FAM185A: variants seen among roughly 807,000 people sequenced by gnomAD.
FAM185A encodes family with sequence similarity 185 member A.
A neutral mutation model predicts 45.7 loss-of-function variants in FAM185A; 21 were observed. The ratio of observed to expected loss-of-function variants is 0.46; its 90% CI spans 0.33 to 0.66. FAM185A has a LOEUF of 0.66. Among genes scored for constraint, FAM185A ranks in the 30% least tolerant of loss-of-function variants. The pLI is 0.03. For missense variants in FAM185A, 305 were observed against 485.4 expected, an observed-to-expected ratio of 0.63 and a Z score of 3.49; for synonymous variants, 117 against 194.0, an observed-to-expected ratio of 0.60 and a Z score of 3.30.
At chr7:102,797,038 T>G (rs540423562) in intron 7 of FAM185A, among the ~76,000 whole-genome samples, 1 of 152,378 alleles carries the variant, frequency 6.6e-6, no homozygotes, top group African/African-American at 2.4e-5. Flanking sequence ...TTATTATTAT[T>G]GCAAGTATTT....
At chr7:102,827,733 G>A in the FAM185A span, among the ~76,000 whole-genome samples, 1 of 151,902 alleles carries the variant, frequency 6.6e-6, no homozygotes, top group African/African-American at 2.4e-5. Context: ...GTGTCCATGT[G>A]TTCTCATTGT....
chr7:102,759,340 G>A (rs1371046175), intron 3 of FAM185A, among the ~76,000 whole-genome samples: 1 of 151,818 alleles, frequency 6.6e-6, no homozygotes, highest in East Asian at 1.9e-4. Flanking sequence ...AATGTTTATG[G>A]TTTATTGAAT....
the FAM185A span, among the ~76,000 whole-genome samples, chr7:102,825,462 C>T: frequency 6.6e-6 from 1 of 152,222 alleles, no homozygotes; most frequent in South Asian, 2.1e-4. Flanking sequence ...CCACCAAATG[C>T]TCCACCTTGA....
the FAM185A span, chr7:102,832,701 G>T: frequency 2.4e-5 from 25 of 1,039,414 alleles, 1 homozygote; most frequent in Middle Eastern, 7.7e-4. Context: ...TCCAATTTGA[G>T]GATAGAAGAA....
chr7:102,769,082 T>C (rs1794585735), intron 4 of FAM185A, among the ~76,000 whole-genome samples: 1 of 152,186 alleles, frequency 6.6e-6, no homozygotes, highest in Non-Finnish European at 1.5e-5. Context: ...GTAGAGATTT[T>C]CTAAATATTT....
the FAM185A span, chr7:102,822,260 A>G: frequency 1.9e-6 from 3 of 1,539,046 alleles, no homozygotes; most frequent in African/African-American, 4.1e-5. Context: ...AGGGAAGAAC[A>G]GTGCCTTAGT....
chr7:102,849,299 G>A, the FAM185A span, among the ~76,000 whole-genome samples: 9 of 152,298 alleles, frequency 5.9e-5, no homozygotes, highest in Non-Finnish European at 7.3e-5. Flanking sequence ...AAGAACTAAC[G>A]TTGGAGAAAG....
At chr7:102,794,770 C>T (rs1392194101) in intron 7 of FAM185A, among the ~76,000 whole-genome samples, 4 of 152,204 alleles carry the variant, frequency 2.6e-5, no homozygotes, top group Non-Finnish European at 5.9e-5. Flanking sequence ...AATATCCTTC[C>T]ATGACTGAAT....
chr7:102,839,405 G>C, the FAM185A span, among the ~76,000 whole-genome samples: 5 of 152,202 alleles, frequency 3.3e-5, no homozygotes, highest in Non-Finnish European at 7.3e-5. Context: ...TGGGCCCACT[G>C]TTCTTTCTCT....
At chr7:102,792,518 T>C (rs1796196591) in intron 7 of FAM185A, among the ~76,000 whole-genome samples, 1 of 89,960 alleles carries the variant, frequency 1.1e-5, no homozygotes, top group Admixed American at 1.4e-4. Context: ...AACTTAGATA[T>C]GAAACTTGAC....
intron 7 of FAM185A, among the ~76,000 whole-genome samples, chr7:102,799,668 C>T (rs937395859): frequency 1.3e-5 from 2 of 152,172 alleles, no homozygotes; most frequent in Non-Finnish European, 2.9e-5. Flanking sequence ...GAGGTCCACT[C>T]GCCCAGCGTA....
chr7:102,822,222 T>C, the FAM185A span: 1 of 1,612,592 alleles, frequency 6.2e-7, no homozygotes, highest in Non-Finnish European at 8.5e-7. Context: ...AGAGCCAAAG[T>C]AAGTACTGGT....
chr7:102,840,618 A>T, the FAM185A span, among the ~76,000 whole-genome samples: 1 of 152,156 alleles, frequency 6.6e-6, no homozygotes, highest in Non-Finnish European at 1.5e-5. Flanking sequence ...CCATTTAAGG[A>T]TCTCTAAGAA....
At chr7:102,772,583 C>T (rs1295410488) in intron 5 of FAM185A, 133 bp downstream of exon 5, 2 of 535,808 alleles carry the variant, frequency 3.7e-6, no homozygotes, top group African/African-American at 2.1e-5. Context: ...CAAATATAGG[C>T]AGAACCAATG....
At chr7:102,834,089 A>AGGAAGGAAGGAAGGAAG in the FAM185A span, among the ~76,000 whole-genome samples, 31 of 68,440 alleles carry the variant, frequency 4.5e-4, no homozygotes, top group South Asian at 5.0e-4. Flanking sequence ...AGGAAAGAAA[A>AGGAAGGAAGGAAGGAAG]GAAAGAAAGA....
At chr7:102,775,489 T>C (rs1795004514) in intron 5 of FAM185A, among the ~76,000 whole-genome samples, 1 of 152,206 alleles carries the variant, frequency 6.6e-6, no homozygotes, top group African/African-American at 2.4e-5. Context: ...TTCATTTTTT[T>C]ATTTTTTAAC....
At chr7:102,792,174 C>T (rs566305698) in intron 7 of FAM185A, among the ~76,000 whole-genome samples, 71 of 150,322 alleles carry the variant, frequency 4.7e-4, no homozygotes, top group Non-Finnish European at 9.4e-4. Context: ...GATGTGTCAG[C>T]TCTATAATTT....
chr7:102,758,456 TTTTA>T (rs1793911184), intron 3 of FAM185A, among the ~76,000 whole-genome samples: 3 of 115,064 alleles, frequency 2.6e-5, no homozygotes, highest in Admixed American at 9.0e-5. Flanking sequence ...TTTTTTTTTT[TTTTA>T]TAGTAGCTAT....
the FAM185A span, chr7:102,832,812 G>T: frequency 4.3e-6 from 7 of 1,613,096 alleles, no homozygotes; most frequent in Non-Finnish European, 5.9e-6. Flanking sequence ...TAAATTGGAT[G>T]TGTTTGAGCC....
Sources: allele counts gnomAD v4.1 joint callset (sites outside exome capture counted in the v4.1 genomes callset), GRCh38; gene constraint gnomAD v4.1.1; transcripts MANE v1.5; gene names NCBI Gene and HGNC (gene_info 2026-07-23, HGNC 2026-07-21).